Variants in WDR59 observed in about 807,000 individuals in gnomAD.
WDR59 encodes the protein GATOR2 complex protein WDR59.
In WDR59, 100 loss-of-function variants were observed where a neutral mutation model predicts 131.2. The ratio of observed to expected loss-of-function variants is 0.76; its 90% CI spans 0.65 to 0.90. The LOEUF (loss-of-function observed/expected upper bound fraction) is 0.90. WDR59 is among the 40% of genes least tolerant of loss of function. The pLI, the probability that WDR59 is intolerant of heterozygous loss-of-function variation, is 0.00. For missense variants in WDR59, 1,203 were observed against 1,262.2 expected (o/e 0.95, Z 0.71); for synonymous variants, 601 against 466.2 (o/e 1.29, Z -3.72).
At chr16:74,893,520 C>T (rs965153262) in intron 19 of WDR59, among the ~76,000 whole-genome samples, 159 bp downstream of exon 19, 21 of 152,076 alleles carry the variant, frequency 1.4e-4, no homozygotes, top group African/African-American at 5.1e-4. Context: ...TTGGAAGCTG[C>T]TAAGTTTGTG....
At chr16:74,919,583 T>G (rs953329055) in intron 10 of WDR59, among the ~76,000 whole-genome samples, 1 of 152,022 alleles carries the variant, frequency 6.6e-6, no homozygotes, top group Non-Finnish European at 1.5e-5. Flanking sequence ...CCTCAAGTGA[T>G]CAACCTGCCT....
At chr16:74,874,657 G>A (rs995473262) in intron 25 of WDR59, among the ~76,000 whole-genome samples, 4 of 152,100 alleles carry the variant, frequency 2.6e-5, no homozygotes, top group Non-Finnish European at 4.4e-5. Context: ...GTGCAATGGT[G>A]CAATCTTGGC....
intron 6 of WDR59, among the ~76,000 whole-genome samples, chr16:74,944,374 G>A (rs985776686): frequency 6.6e-6 from 1 of 151,640 alleles, no homozygotes; most frequent in Non-Finnish European, 1.5e-5. Context: ...ACTGAGGCAG[G>A]AGAATTGCTT....
At chr16:74,979,235 C>A (rs1176852142) in intron 1 of WDR59, 3 of 75,650 alleles carry the variant, frequency 4.0e-5, no homozygotes, top group Non-Finnish European at 5.8e-5. Flanking sequence ...GAGGCCAAGG[C>A]GGGCAGATCA....
intron 17 of WDR59, among the ~76,000 whole-genome samples, chr16:74,904,663 A>G (rs1207048859): frequency 6.6e-6 from 1 of 152,210 alleles, no homozygotes; most frequent in African/African-American, 2.4e-5. Context: ...GTAGGAACTA[A>G]TAAGTTGATT....
chr16:74,910,941 A>G (rs745444120), intron 14 of WDR59, among the ~76,000 whole-genome samples: 1 of 152,040 alleles, frequency 6.6e-6, no homozygotes, highest in Non-Finnish European at 1.5e-5. Context: ...TTGGCTCACT[A>G]CAACCCCCAC....
At chr16:74,960,312 CAG>C (rs1359442858) in intron 2 of WDR59, among the ~76,000 whole-genome samples, 2 of 151,658 alleles carry the variant, frequency 1.3e-5, no homozygotes, top group Middle Eastern at 3.2e-3. Flanking sequence ...GCTTGGGCAA[CAG>C]AGCGAAACTC....
At chr16:74,930,039 T>C (rs368111353) in intron 8 of WDR59, among the ~76,000 whole-genome samples, 20 of 152,270 alleles carry the variant, frequency 1.3e-4, no homozygotes, top group African/African-American at 4.8e-4. Context: ...CTGGGAAGCG[T>C]AGTGGGGTAG....
intron 1 of WDR59, among the ~76,000 whole-genome samples, chr16:74,982,358 AC>A (rs1383577819): frequency 1.3e-5 from 2 of 152,104 alleles, no homozygotes; most frequent in African/African-American, 2.4e-5. Flanking sequence ...GAAAATCAGA[AC>A]AAAAAAACAG....
intron 1 of WDR59, among the ~76,000 whole-genome samples, chr16:74,971,492 G>A (rs1316394164): frequency 6.9e-6 from 1 of 144,512 alleles, no homozygotes; most frequent in Non-Finnish European, 1.5e-5. Context: ...GAGTGCAGTG[G>A]CGCAATCTCG....
Position 74,874,453 on chromosome 16 carries a change from G to A in WDR59, c.2690-9C>T. Reference sequence around the variant, plus strand: ...GCAGTACACGCCGAACTCTGGAAATGGGCAGGGACGGGCAAAACAAGAGGC... The same window carrying A: ...GCAGTACACGCCGAACTCTGGAAATAGGCAGGGACGGGCAAAACAAGAGGC... On this transcript the variant is annotated splice_polypyrimidine_tract_variant and intron_variant, in intron 25 of 25. Coordinates refer to ENST00000262144, the MANE Select transcript of WDR59 (RefSeq NM_030581.4). 6.2e-7 allele frequency: 1 copy of A among 1,612,034 alleles called. No individual in the cohort carries two copies. The highest frequency in any genetic ancestry group is 1.1e-5 in the South Asian group (1 of 90,970).
rs2033292363 is a variant in WDR59, at chr16:74,956,421, AG to A, written c.240+53del. 6.3e-6 allele frequency: 10 copies of A among 1,592,384 alleles called. No homozygotes were observed. The South Asian group carries it at 1.0e-4, about 16-fold the overall frequency. On this transcript the variant is annotated intron_variant, in intron 3 of 25. Transcript: ENST00000262144. ...TCTCTACACAGGGCATAGATCTGCC[AG>A]CCCCAGATGACACATTTAACAGCAT...
At chr16:74,917,879 C>G in intron 11 of WDR59, 50 bp downstream of exon 11, 1 of 1,410,862 alleles carries the variant, frequency 7.1e-7, no homozygotes, top group Non-Finnish European at 9.9e-7. Context: ...GAATCTTACA[C>G]TTTTTGGTGG....
chr16:74,956,641 TA>T (rs754123961), intron 2 of WDR59, 31 bp from the exon 3 acceptor site: 1 of 1,602,792 alleles, frequency 6.2e-7, no homozygotes, highest in Non-Finnish European at 8.5e-7. Context: ...TATAATAGTA[TA>T]AAAACACAAC....
chr16:74,979,481 AAAACAAAAC>A (rs1171593515), intron 1 of WDR59, among the ~76,000 whole-genome samples: 6 of 151,020 alleles, frequency 4.0e-5, no homozygotes, highest in Non-Finnish European at 5.9e-5. Flanking sequence ...AAAACAAAAC[AAAACAAAAC>A]AAACAAACAA....
intron 2 of WDR59, chr16:74,959,473 A>G (rs1047496599): frequency 3.0e-5 from 13 of 438,792 alleles, no homozygotes; most frequent in South Asian, 2.1e-4. Context: ...AGAAAGGAAA[A>G]AAGCCTTCAT....
At position 74,916,230 on chromosome 16, in the gene WDR59, A is replaced by G. The variant is rs1465203729; in HGVS notation, c.996T>C (p.Val332=). 3 of 1,614,102 alleles carry G rather than the reference A, an allele frequency of 1.9e-6. No individual in the cohort carries two copies. The highest frequency in any genetic ancestry group is 1.3e-5 in the African/African-American group (1 of 75,034). The change falls in exon 12 of 26, where the codon GTT becomes GTC. Residue 332 remains valine, a synonymous_variant. Transcript: ENST00000262144. ...GGGAAATACTCTCAATGAACTCATC[A>G]ACACCATCTAATATGTCATTTGCAC... is the stretch of plus-strand genomic sequence containing the variant. ...RLCANDILDG[V]DEFIESISLL... is the part of the protein sequence containing the mutation.
At chr16:74,984,082 G>A (rs1385001823) in intron 1 of WDR59, among the ~76,000 whole-genome samples, 3 of 152,016 alleles carry the variant, frequency 2.0e-5, no homozygotes, top group Non-Finnish European at 2.9e-5. Flanking sequence ...TTCAAGACCA[G>A]CCTGACCAAC....
chr16:74,897,606 T>C (rs1003852091), intron 18 of WDR59, among the ~76,000 whole-genome samples: 1 of 152,170 alleles, frequency 6.6e-6, no homozygotes, highest in Non-Finnish European at 1.5e-5. Context: ...GGATAAGAGG[T>C]GCTTTATGAA....
Sources: gnomAD v4.1 joint callset for allele counts (sites outside exome capture counted in the v4.1 genomes callset) on GRCh38, gnomAD v4.1.1 for gene constraint, MANE v1.5 for transcripts, NCBI Gene and HGNC (gene_info 2026-07-23, HGNC 2026-07-21) for gene names.